The following PRPS2 variants were observed in gnomAD, a reference collection of about 807,000 sequenced individuals.
PRPS2 encodes ribose-phosphate pyrophosphokinase 2.
For missense variants in PRPS2, 104 were observed against 271.5 expected (o/e 0.38, Z 4.34); for synonymous variants, 111 against 115.3 (o/e 0.96, Z 0.24).
chrX:12,801,898 C>T (rs963874378), intron 2 of PRPS2, among the ~76,000 whole-genome samples: 2 of 112,462 alleles, frequency 1.8e-5, no homozygotes, highest in Admixed American at 9.4e-5. Context: ...CATGAGCTAC[C>T]GCACCTGGCC....
At position 12,799,252 on chromosome X, in the gene PRPS2, C is replaced by T. The variant is rs1366880568; in HGVS notation, c.168C>T (p.Ile56=). 1 of 1,211,531 alleles carries T rather than the reference C, an allele frequency of 8.3e-7. No individual in the cohort carries two copies. The highest frequency in any genetic ancestry group is 1.7e-5 in the African/African-American group (1 of 57,691). ...TGAGAGGGGAAGATGTCTACATCAT[C>T]CAGAGCGGCTGCGGGGAAATTAACG... ...ESVRGEDVYI[I]QSGCGEINDN... Residue 56 remains isoleucine, a synonymous_variant, in exon 2 of 7, where the codon ATC becomes ATT. Coordinates refer to ENST00000380668, the MANE Select transcript of PRPS2 (RefSeq NM_002765.5).
intron 5 of PRPS2, 86 bp from the exon 6 acceptor site, chrX:12,820,558 A>G: frequency 9.9e-7 from 1 of 1,005,377 alleles, no homozygotes; most frequent in Non-Finnish European, 1.3e-6. Flanking sequence ...TACGGAGCAC[A>G]CTTTGTGCTT....
At chrX:12,809,421 A>G (rs1209173588) in intron 3 of PRPS2, 89 bp downstream of exon 3, 10 of 901,306 alleles carry the variant, frequency 1.1e-5, no homozygotes, top group African/African-American at 2.0e-5. Flanking sequence ...GAGTTTATAT[A>G]TGGCTACTCT....
intron 4 of PRPS2, among the ~76,000 whole-genome samples, chrX:12,816,306 G>GT (rs1342447904): frequency 1.8e-5 from 2 of 110,928 alleles, no homozygotes; most frequent in African/African-American, 3.3e-5. Flanking sequence ...TTACTATGTG[G>GT]TTTTTTTGTT....
chrX:12,806,864 G>A (rs781110982), intron 2 of PRPS2, among the ~76,000 whole-genome samples: 5 of 111,709 alleles, frequency 4.5e-5, no homozygotes, highest in Non-Finnish European at 9.4e-5. Flanking sequence ...TGAGGTGGGC[G>A]GATCACCTGA....
intron 2 of PRPS2, among the ~76,000 whole-genome samples, chrX:12,801,483 G>A (rs2042570430): frequency 8.9e-6 from 1 of 112,229 alleles, no homozygotes; most frequent in Non-Finnish European, 1.9e-5. Flanking sequence ...GTTTCCACAG[G>A]ATTGTTTAGC....
chrX:12,808,688 G>A (rs2042607170), intron 2 of PRPS2, among the ~76,000 whole-genome samples: 1 of 111,864 alleles, frequency 8.9e-6, no homozygotes, highest in Non-Finnish European at 1.9e-5. Context: ...TCCAAATGTC[G>A]GCTCATGAAT....
chrX:12,810,096 C>G lies in PRPS2; in HGVS notation c.480C>G (p.Ala160=), dbSNP rs1225867738. Residue 160 remains alanine (A), a synonymous_variant, in exon 4 of 7, where the codon GCC becomes GCG. Transcript: ENST00000380668. ...AVLQWIRENI[A]EWKNCIIVSP... is the part of the protein sequence containing the mutation. The stretch of plus-strand genomic sequence containing the variant: ...TGCAGTGGATTCGGGAAAACATTGC[C>G]GAGTGGAAGAACTGTATCATTGTTT... The G allele has an allele frequency of 8.3e-7, 1 of 1,210,520 alleles. No homozygotes were observed. Among genetic ancestry groups the G allele is most frequent in the African/African-American group, 1.7e-5 (1 of 57,457 alleles).
intron 2 of PRPS2, among the ~76,000 whole-genome samples, chrX:12,802,133 C>T (rs2042573464): frequency 8.9e-6 from 1 of 111,887 alleles, no homozygotes; most frequent in Non-Finnish European, 1.9e-5. Flanking sequence ...TTTGCGGTGA[C>T]CTCTTTTTAC....
intron 4 of PRPS2, among the ~76,000 whole-genome samples, chrX:12,816,689 C>G (rs1004202476): frequency 9.0e-6 from 1 of 111,573 alleles, no homozygotes. Flanking sequence ...TAGATTTGTC[C>G]ACATATTGAT....
intron 4 of PRPS2, among the ~76,000 whole-genome samples, chrX:12,811,469 A>G (rs1457298498): frequency 3.6e-5 from 4 of 111,554 alleles, no homozygotes; most frequent in Admixed American, 9.5e-5. Context: ...TGGTGACCCA[A>G]TGACCTTGTA....
chrX:12,791,427 C>A lies in PRPS2; in HGVS notation c.-71C>A. On this transcript the variant is annotated 5_prime_UTR_variant, in exon 1 of 7. Transcript: ENST00000380668. Reference sequence around the variant, plus strand: ...TCCCGCTCCCGCAGCAGCAGCCTCCCGCGTCGCTGTCGCTGTTGCCTCCGC... The same window carrying A: ...TCCCGCTCCCGCAGCAGCAGCCTCCAGCGTCGCTGTCGCTGTTGCCTCCGC... The A allele has an allele frequency of 1.8e-6, 2 of 1,137,283 alleles. No homozygotes were observed. The highest frequency in any genetic ancestry group is 1.9e-5 in the South Asian group (1 of 52,431). 93.7% of individuals were successfully genotyped at this position (1,137,283 alleles called of 1,213,427 possible).
At chrX:12,804,754 GT>G (rs765624103) in intron 2 of PRPS2, among the ~76,000 whole-genome samples, 1 of 111,345 alleles carries the variant, frequency 9.0e-6, no homozygotes, top group East Asian at 2.8e-4. Flanking sequence ...GCCATGTGGC[GT>G]TAGATTGTGA....
chrX:12,805,306 GTTAC>G (rs1365830160), intron 2 of PRPS2, among the ~76,000 whole-genome samples: 1 of 112,629 alleles, frequency 8.9e-6, no homozygotes, highest in Non-Finnish European at 1.9e-5. Flanking sequence ...CTTTGTAAAA[GTTAC>G]TTAAACTGTC....
At position 12,809,957 on chromosome X, in the gene PRPS2, T is replaced by TA. The variant is rs1012902699; in HGVS notation, c.406-58dup. ...TTATTTAATGAAAGCGATTATCGTT[T>TA]AAAAAAACAAAAGAAAACAAAACAA... On this transcript the variant is annotated intron_variant, in intron 3 of 6. Transcript: ENST00000380668. 1.0e-5 allele frequency: 11 copies of TA among 1,088,618 alleles called. No homozygotes were observed. In the African/African-American group the frequency reaches 1.0e-4, roughly 10 times the overall value. 89.7% of individuals were successfully genotyped at this position (1,088,618 alleles called of 1,213,427 possible).
chrX:12,795,613 C>G (rs904986566), intron 1 of PRPS2, among the ~76,000 whole-genome samples: 2 of 111,571 alleles, frequency 1.8e-5, no homozygotes, highest in African/African-American at 6.5e-5. Context: ...TGAGAGAGAG[C>G]AATAGAGGGC....
At chrX:12,807,209 G>A (rs2042598124) in intron 2 of PRPS2, among the ~76,000 whole-genome samples, 2 of 112,309 alleles carry the variant, frequency 1.8e-5, no homozygotes, top group South Asian at 7.4e-4. Context: ...AGGGAAGAAT[G>A]CTGTGTCCTT....
intron 3 of PRPS2, among the ~76,000 whole-genome samples, 172 bp downstream of exon 3, chrX:12,809,504 G>GC (rs1164461471): frequency 6.6e-4 from 74 of 111,353 alleles, no homozygotes; most frequent in African/African-American, 2.3e-3. Context: ...TCACCACCTT[G>GC]CCCCCCAGTC....
intron 2 of PRPS2, among the ~76,000 whole-genome samples, chrX:12,799,988 T>C (rs1003215440): frequency 2.7e-5 from 3 of 112,382 alleles, no homozygotes; most frequent in African/African-American, 9.7e-5. Flanking sequence ...CAGAGGAGGC[T>C]CTGTGAGTCT....
Sources: gnomAD v4.1 joint callset for allele counts (sites outside exome capture counted in the v4.1 genomes callset) on GRCh38, gnomAD v4.1.1 for gene constraint, MANE v1.5 for transcripts, NCBI Gene and HGNC (gene_info 2026-07-23, HGNC 2026-07-21) for gene names.